Variants in USH2A observed in about 807,000 individuals in gnomAD.
USH2A encodes Usher syndrome 2A (autosomal recessive, mild).
Under a neutral mutation model 538.9 loss-of-function variants are expected in USH2A, and 443 were observed. The observed-to-expected ratio is 0.82, with a 90% CI of 0.76 to 0.89. The LOEUF (loss-of-function observed/expected upper bound fraction) is 0.89. USH2A is among the 40% of genes least tolerant of loss of function. USH2A has a pLI of 0.00. For missense variants in USH2A, 6,633 were observed against 6,324.8 expected (o/e 1.05, Z -1.65); for synonymous variants, 2,413 against 2,273.5 (o/e 1.06, Z -1.75).
chr1:215,698,754 T>C (rs551270382), intron 61 of USH2A, among the ~76,000 whole-genome samples: 1 of 152,200 alleles, frequency 6.6e-6, no homozygotes, highest in African/African-American at 2.4e-5. Flanking sequence ...TTGCAAAAAT[T>C]TTCTCCCATT....
intron 9 of USH2A, among the ~76,000 whole-genome samples, chr1:216,298,269 G>A (rs759289656): frequency 3.3e-5 from 5 of 152,294 alleles, no homozygotes; most frequent in South Asian, 4.1e-4. Flanking sequence ...GGCTGTTTGA[G>A]TTTGGTATAT....
intron 3 of USH2A, among the ~76,000 whole-genome samples, chr1:216,407,580 A>G (rs2039416384): frequency 6.6e-6 from 1 of 152,158 alleles, no homozygotes; most frequent in Non-Finnish European, 1.5e-5. Flanking sequence ...AAACTACTCA[A>G]GTCCATGTTT....
chr1:215,779,858 G>C lies in USH2A; in HGVS notation c.10924C>G (p.Gln3642Glu), dbSNP rs773462133. Residue 3642 changes from glutamine to glutamate, a missense_variant, in exon 55 of 72, where the codon CAG becomes GAG. By Grantham distance (29) the Gln-to-Glu change is conservative (BLOSUM62 2). Coordinates refer to ENST00000307340, the MANE Select transcript of USH2A (RefSeq NM_206933.4). ...LIHTDTTDRR[Q>E]HTVTGLQPYT... ...GTTTTCTCACCTGTGACCGTATGCT[G>C]TCTCCTGTCAGTGGTGTCAGTGTGG... 1 of 1,613,914 alleles carries C rather than the reference G, an allele frequency of 6.2e-7. No homozygotes were observed. Among genetic ancestry groups the C allele is most frequent in the African/African-American group, 1.3e-5 (1 of 74,976 alleles).
chr1:215,909,378 A>T (rs1665718417), intron 38 of USH2A, among the ~76,000 whole-genome samples: 3 of 151,948 alleles, frequency 2.0e-5, no homozygotes, highest in Non-Finnish European at 4.4e-5. Flanking sequence ...AGTACATGTC[A>T]TTATATATTA....
At chr1:216,156,123 CT>C (rs2033932071) in intron 21 of USH2A, among the ~76,000 whole-genome samples, 1 of 152,036 alleles carries the variant, frequency 6.6e-6, no homozygotes, top group South Asian at 2.1e-4. Flanking sequence ...ACCATGCACC[CT>C]TCTGGCAAGA....
At chr1:215,665,956 G>A (rs1314255888) in intron 64 of USH2A, among the ~76,000 whole-genome samples, 4 of 152,234 alleles carry the variant, frequency 2.6e-5, no homozygotes, top group African/African-American at 9.6e-5. Flanking sequence ...AGTTGCATTT[G>A]AAATTCACAG....
rs767475992 is a variant in USH2A at position 215,728,377 on chromosome 1, C to A, written c.11719G>T (p.Ala3907Ser). 2.5e-6 allele frequency: 4 copies of A among 1,614,008 alleles called. No homozygotes were observed. Among genetic ancestry groups the A allele is most frequent in the Non-Finnish European group, 3.4e-6 (4 of 1,180,004 alleles). The change falls in exon 61 of 72, where the codon GCT becomes TCT. Residue 3907 changes from alanine (A) to serine (S), a missense_variant. By Grantham distance (99) the Ala-to-Ser change is moderately conservative. Coordinates refer to ENST00000307340, the MANE Select transcript of USH2A (RefSeq NM_206933.4). ...IINYFIYRRP[A>S]GIEEESVLFV... ...AAAACAGACTCCTCTTCAATGCCAG[C>A]AGGGCGTCTGAAAGGAAACCAAGCA...
chr1:216,137,738 T>A (rs990782086), intron 21 of USH2A, among the ~76,000 whole-genome samples: 1 of 152,158 alleles, frequency 6.6e-6, no homozygotes, highest in African/African-American at 2.4e-5. Context: ...GGTCTGGCTT[T>A]CTCAGCCCAC....
At chr1:216,360,710 T>C (rs76085539) in intron 4 of USH2A, among the ~76,000 whole-genome samples, 120 of 151,742 alleles carry the variant, frequency 7.9e-4, no homozygotes, top group African/African-American at 2.9e-3. Flanking sequence ...TCTAAAAAAA[T>C]AGTCTATTAA....
At chr1:216,012,670 A>G (rs1340337777) in intron 32 of USH2A, among the ~76,000 whole-genome samples, 3 of 152,122 alleles carry the variant, frequency 2.0e-5, no homozygotes, top group Non-Finnish European at 4.4e-5. Context: ...GAAAAGTAGA[A>G]CGGACTAAAG....
chr1:215,957,511 A>G (rs1667099367), intron 37 of USH2A, among the ~76,000 whole-genome samples: 1 of 152,154 alleles, frequency 6.6e-6, no homozygotes, highest in South Asian at 2.1e-4. Flanking sequence ...CTGGGTTTCA[A>G]TTTTCACAGA....
At chr1:216,317,711 C>T (rs999414510) in intron 9 of USH2A, among the ~76,000 whole-genome samples, 3 of 151,450 alleles carry the variant, frequency 2.0e-5, no homozygotes, top group African/African-American at 7.3e-5. Context: ...AAGTTAGCCG[C>T]GTGTGGTGGT....
At chr1:215,936,149 A>G (rs565870629) in intron 37 of USH2A, among the ~76,000 whole-genome samples, 1 of 152,162 alleles carries the variant, frequency 6.6e-6, no homozygotes, top group Admixed American at 6.6e-5. Flanking sequence ...GCAGATATAG[A>G]CAAATGAATT....
intron 9 of USH2A, among the ~76,000 whole-genome samples, chr1:216,298,793 T>G (rs1016113749): frequency 2.0e-5 from 3 of 152,086 alleles, no homozygotes; most frequent in African/African-American, 4.8e-5. Context: ...GAGCAACATA[T>G]GTATACATTC....
chr1:216,180,358 C>T (rs1415076350), intron 20 of USH2A, among the ~76,000 whole-genome samples: 3 of 151,924 alleles, frequency 2.0e-5, no homozygotes, highest in African/African-American at 2.4e-5. Context: ...TAAAATAGCA[C>T]TTGTATTTTT....
In USH2A at chr1:215,761,967, T is replaced by C. The variant is rs112062097; in HGVS notation, c.11048-2124A>G. The stretch of plus-strand genomic sequence containing the variant: ...CGTACAGGTTAAGATTTTGACACTT[T>C]TAGAAGAAAAATTTTCAGAAGAACA... On this transcript the variant is annotated intron_variant, in intron 56 of 71. Transcript: ENST00000307340. 1.6e-3 allele frequency among the ~76,000 whole-genome samples: 247 copies of C among 152,258 alleles called. 1 individual carries two copies. Among genetic ancestry groups the C allele is most frequent in the Non-Finnish European group, 2.9e-3 (200 of 68,002 alleles).
In USH2A at chr1:216,050,556, A is replaced by G. The variant is rs1422315116; in HGVS notation, c.6050-1909T>C. 5.0e-5 allele frequency among the ~76,000 whole-genome samples: 3 copies of G among 59,930 alleles called. 1 individual carries two copies. Among genetic ancestry groups the G allele is most frequent in the Non-Finnish European group, 1.2e-4 (3 of 24,782 alleles). The allele number at this position is 59,930 out of a possible 152,430, so 39.3% of individuals were successfully genotyped here. On this transcript the variant is annotated intron_variant, in intron 30 of 71. Coordinates refer to ENST00000307340, the MANE Select transcript of USH2A (RefSeq NM_206933.4). ...CTCTACATGCTACTAGACAATTTGT[A>G]TCTTTTTCTTTCTTTCTTTCTTTCT...
At chr1:215,708,137 T>C (rs898418853) in intron 61 of USH2A, among the ~76,000 whole-genome samples, 2 of 152,172 alleles carry the variant, frequency 1.3e-5, no homozygotes, top group South Asian at 2.1e-4. Context: ...TAAAGACCAA[T>C]TTGCAAAAGT....
In USH2A at chr1:216,198,473, A is replaced by G. The variant is rs1395516050; in HGVS notation, c.3923T>C (p.Phe1308Ser). ...QSSGWLSPHSFVESANENALK... is the reference protein window; with the variant it reads ...QSSGWLSPHSSVESANENALK... Reference sequence around the variant, plus strand: ...TGCATTTTCATTGGCCGATTCTACAAATGAATGAGGACTGAGCCAACCACT... The same window carrying G: ...TGCATTTTCATTGGCCGATTCTACAGATGAATGAGGACTGAGCCAACCACT... The change falls in exon 18 of 72, where the codon TTT (phenylalanine) becomes TCT (serine). Residue 1308 changes from phenylalanine (F) to serine (S), a missense_variant. Physicochemically the swap from Phe to Ser is radical, Grantham distance 155 (BLOSUM62 -2). Coordinates refer to ENST00000307340, the MANE Select transcript of USH2A (RefSeq NM_206933.4). The G allele has an allele frequency of 5.6e-6, 9 of 1,613,924 alleles. No individual in the cohort carries two copies. The highest frequency in any genetic ancestry group is 2.2e-5 in the South Asian group (2 of 91,082).
Sources: gnomAD v4.1 joint callset for allele counts (sites outside exome capture counted in the v4.1 genomes callset) on GRCh38, gnomAD v4.1.1 for gene constraint, MANE v1.5 for transcripts, NCBI Gene and HGNC (gene_info 2026-07-23, HGNC 2026-07-21) for gene names.